VPS13B: variants seen among roughly 807,000 people sequenced by gnomAD.
The protein encoded by VPS13B is vacuolar protein sorting 13 homolog B.
A neutral mutation model predicts 426.4 loss-of-function variants in VPS13B; 285 were observed. The observed-to-expected ratio is 0.67, with a 90% CI of 0.61 to 0.74. The LOEUF is 0.74. Ranked by LOEUF, VPS13B falls within the 30% of genes least tolerant of loss-of-function variation. The pLI is 0.00. For synonymous variants in VPS13B, 1,676 were observed against 1,676.4 expected, an observed-to-expected ratio of 1.00 and a Z score of 0.01; for missense variants, 4,537 against 4,782.6, an observed-to-expected ratio of 0.95 and a Z score of 1.51.
At chr8:99,663,669 G>A (rs1407590119) in intron 35 of VPS13B, among the ~76,000 whole-genome samples, 2 of 152,198 alleles carry the variant, frequency 1.3e-5, no homozygotes, top group Non-Finnish European at 2.9e-5. Flanking sequence ...ACACATGAAA[G>A]ACTGAACACA....
chr8:99,212,432 T>A (rs956883867), intron 17 of VPS13B, among the ~76,000 whole-genome samples: 1 of 152,196 alleles, frequency 6.6e-6, no homozygotes, highest in Non-Finnish European at 1.5e-5. Flanking sequence ...CTCTTTTCCT[T>A]GGAAAGTGTG....
In VPS13B at chr8:99,642,307, A is replaced by G. The variant is rs1047051313; in HGVS notation, c.5717A>G (p.Gln1906Arg). Residue 1906 changes from glutamine to arginine, a missense_variant, in exon 34 of 62, where the codon CAA (glutamine) becomes CGA (arginine). Gln to Arg is a conservative substitution (Grantham distance 43). Around this residue, in one of 2 missense-constraint regions of VPS13B, gnomAD observed 4,311 missense variants for 4,474.3 expected, o/e 0.96. Coordinates refer to ENST00000357162, the MANE Select transcript of VPS13B (RefSeq NM_152564.5). ...LHASTRSSAR[Q>R]ALGITIVRQP... ...GCATCCACAAGGTCATCTGCTAGAC[A>G]AGCACTTGGTATAACTATTGTTCGG... 6 of 1,614,148 alleles carry G rather than the reference A, an allele frequency of 3.7e-6. No homozygotes were observed. Among genetic ancestry groups the G allele is most frequent in the Non-Finnish European group, 3.4e-6 (4 of 1,180,012 alleles).
intron 25 of VPS13B, among the ~76,000 whole-genome samples, chr8:99,482,832 G>C (rs1251764977): frequency 1.3e-5 from 2 of 152,084 alleles, no homozygotes; most frequent in African/African-American, 2.4e-5. Context: ...ATTCTACACA[G>C]GATCTCTTGA....
intron 54 of VPS13B, among the ~76,000 whole-genome samples, chr8:99,838,848 A>C (rs1469141824): frequency 6.6e-6 from 1 of 152,192 alleles, no homozygotes; most frequent in Non-Finnish European, 1.5e-5. Context: ...GCAAGAGAGT[A>C]GGGAATCTTT....
chr8:99,568,168 C>T (rs1039807135), intron 31 of VPS13B, among the ~76,000 whole-genome samples: 10 of 151,636 alleles, frequency 6.6e-5, no homozygotes, highest in Admixed American at 1.3e-4. Context: ...AAATAATGAA[C>T]GGTTTTGTAA....
intron 17 of VPS13B, among the ~76,000 whole-genome samples, chr8:99,245,171 T>TG: frequency 6.6e-6 from 1 of 152,228 alleles, no homozygotes; most frequent in Non-Finnish European, 1.5e-5. Flanking sequence ...AGTTCCAGTT[T>TG]GATAATACTG....
chr8:99,697,262 G>A (rs2130156464), intron 35 of VPS13B: 1 of 585,200 alleles, frequency 1.7e-6, no homozygotes, highest in East Asian at 3.2e-5. Flanking sequence ...TCCAGCAGGA[G>A]CACCACAAGG....
intron 17 of VPS13B, among the ~76,000 whole-genome samples, chr8:99,222,189 C>T (rs1815761135): frequency 6.6e-6 from 1 of 152,124 alleles, no homozygotes; most frequent in African/African-American, 2.4e-5. Context: ...CACTGATTTG[C>T]TTAGCTTATG....
intron 21 of VPS13B, among the ~76,000 whole-genome samples, chr8:99,424,790 A>G (rs1425642909): frequency 6.6e-6 from 1 of 152,206 alleles, no homozygotes; most frequent in Non-Finnish European, 1.5e-5. Flanking sequence ...TGGTTTTTTG[A>G]AAAGATCAAC....
chr8:99,369,281 A>G (rs1472857832), intron 19 of VPS13B, among the ~76,000 whole-genome samples: 1 of 152,236 alleles, frequency 6.6e-6, no homozygotes, highest in African/African-American at 2.4e-5. Context: ...AGAAAGGGAG[A>G]GGGAAGGAAG....
chr8:99,340,840 C>G (rs1445396801), intron 19 of VPS13B: 1 of 319,470 alleles, frequency 3.1e-6, no homozygotes, highest in Non-Finnish European at 6.4e-6. Flanking sequence ...TGCAATGCTT[C>G]CGGCTTGGCT....
intron 19 of VPS13B, among the ~76,000 whole-genome samples, chr8:99,312,756 A>G (rs1272779221): frequency 6.6e-6 from 1 of 152,182 alleles, no homozygotes; most frequent in Admixed American, 6.5e-5. Flanking sequence ...AATATCTTGC[A>G]GATTGTTTTC....
At chr8:99,220,290 C>T (rs186071718) in intron 17 of VPS13B, among the ~76,000 whole-genome samples, 4 of 152,268 alleles carry the variant, frequency 2.6e-5, no homozygotes, top group African/African-American at 9.6e-5. Context: ...TTTAAATTGG[C>T]TTTCTGTCAC....
chr8:99,170,271 T>A (rs1419625898), intron 16 of VPS13B, 108 bp downstream of exon 16: 1 of 1,381,298 alleles, frequency 7.2e-7, no homozygotes, highest in African/African-American at 1.5e-5. Flanking sequence ...ATACAAAACT[T>A]TAGAAAAAAA....
At chr8:99,824,992 G>T (rs964418402) in intron 51 of VPS13B, among the ~76,000 whole-genome samples, 1 of 152,208 alleles carries the variant, frequency 6.6e-6, no homozygotes, top group Admixed American at 6.5e-5. Flanking sequence ...GGGCATTTGG[G>T]TTGGTTCCAA....
chr8:99,030,703 A>G (rs1377945747), intron 2 of VPS13B, among the ~76,000 whole-genome samples: 1 of 152,178 alleles, frequency 6.6e-6, no homozygotes, highest in Non-Finnish European at 1.5e-5. Flanking sequence ...TGATCTCACC[A>G]TATTCATTGT....
intron 37 of VPS13B, among the ~76,000 whole-genome samples, chr8:99,718,638 G>A (rs1374447846): frequency 6.6e-6 from 1 of 151,580 alleles, no homozygotes; most frequent in Admixed American, 6.6e-5. Flanking sequence ...GGTCAATAAT[G>A]GAGACATTAA....
At position 99,391,617 on chromosome 8, in the gene VPS13B, T is replaced by C. The variant is rs1429325415; in HGVS notation, c.2995T>C (p.Ser999Pro). Residue 999 changes from serine to proline, a missense_variant, in exon 21 of 62, where the codon TCT (serine) becomes CCT (proline). Coordinates refer to ENST00000357162, the MANE Select transcript of VPS13B (RefSeq NM_152564.5). ...TTGTAGAAGGAAAGAGGATGAGGTG[T>C]CTATTGGAAGTGCCCCCTTGGCAAA... is the stretch of plus-strand genomic sequence containing the variant. ...PVCRRKEDEV[S>P]IGSAPLAKQQ... 7 of 1,614,180 alleles carry C rather than the reference T, an allele frequency of 4.3e-6. No individual in the cohort carries two copies. The highest frequency in any genetic ancestry group is 8.5e-7 in the Non-Finnish European group (1 of 1,180,018).
chr8:99,575,871 T>C, intron 32 of VPS13B, 87 bp downstream of exon 32: 2 of 1,384,702 alleles, frequency 1.4e-6, no homozygotes, highest in East Asian at 2.4e-5. Context: ...TTTCAGCCCA[T>C]AGGACTTCAA....
Sources: allele counts gnomAD v4.1 joint callset (sites outside exome capture counted in the v4.1 genomes callset), GRCh38; gene constraint gnomAD v4.1.1; regional missense constraint gnomAD v4.1.1; transcripts MANE v1.5; gene names NCBI Gene and HGNC (gene_info 2026-07-23, HGNC 2026-07-21).